The following ZBTB7C variants were observed in gnomAD, a reference collection of about 807,000 sequenced individuals.
ZBTB7C encodes zinc finger and BTB domain containing 7C, also known as zinc finger and BTB domain-containing protein 7C.
A neutral mutation model predicts 25.7 loss-of-function variants in ZBTB7C; 8 were observed. The observed-to-expected ratio is 0.31, with a 90% CI of 0.18 to 0.56. The LOEUF (loss-of-function observed/expected upper bound fraction) is 0.56, where lower values mean the gene tolerates loss of function less well. Among genes scored for constraint, ZBTB7C ranks in the 20% least tolerant of loss-of-function variants. ZBTB7C has a pLI of 0.91. For synonymous variants in ZBTB7C, 394 were observed against 369.0 expected (o/e 1.07, Z -0.78); for missense variants, 824 against 855.2 (o/e 0.96, Z 0.46).
chr18:48,290,681 C>A (rs952203952), intron 2 of ZBTB7C, among the ~76,000 whole-genome samples: 1 of 152,184 alleles, frequency 6.6e-6, no homozygotes, highest in African/African-American at 2.4e-5. Context: ...AGGCGCCCGT[C>A]CCCTGGGCCT....
intron 3 of ZBTB7C, among the ~76,000 whole-genome samples, chr18:48,089,883 C>T (rs1402931414): frequency 1.3e-5 from 2 of 152,158 alleles, no homozygotes; most frequent in Non-Finnish European, 2.9e-5. Flanking sequence ...TTTAAAAGCC[C>T]GCTGGGTGAG....
chr18:48,057,050 C>CAAAAAAAAAAAAAAAAAAAAAAA, intron 3 of ZBTB7C, among the ~76,000 whole-genome samples: 1 of 64,318 alleles, frequency 1.6e-5, no homozygotes, highest in Non-Finnish European at 3.1e-5. Context: ...GAAAAATTGT[C>CAAAAAAAAAAAAAAAAAAAAAAA]AAAAAAAAAA....
chr18:48,338,769 A>G (rs1421809918), intron 1 of ZBTB7C, among the ~76,000 whole-genome samples: 2 of 152,186 alleles, frequency 1.3e-5, no homozygotes, highest in East Asian at 3.9e-4. Flanking sequence ...ACGCTGTTCC[A>G]TCACCCCAGG....
chr18:48,130,690 C>T (rs2039960651), intron 3 of ZBTB7C, among the ~76,000 whole-genome samples: 1 of 152,196 alleles, frequency 6.6e-6, no homozygotes, highest in East Asian at 1.9e-4. Flanking sequence ...CCACACAGAT[C>T]TGTTTTGCTT....
chr18:48,179,701 T>TTCCC (rs529149708), intron 3 of ZBTB7C, among the ~76,000 whole-genome samples: 4 of 110,544 alleles, frequency 3.6e-5, no homozygotes, highest in South Asian at 6.4e-4. Context: ...CCTTCCTTCC[T>TTCCC]TCCCTGCGAG....
intron 3 of ZBTB7C, among the ~76,000 whole-genome samples, chr18:48,161,813 C>T (rs948354369): frequency 6.6e-6 from 1 of 151,656 alleles, no homozygotes; most frequent in Non-Finnish European, 1.5e-5. Flanking sequence ...CCCGCGGCCT[C>T]TCTCTCCTCC....
At chr18:48,401,696 A>T (rs1456237511) in intron 1 of ZBTB7C, among the ~76,000 whole-genome samples, 5 of 152,032 alleles carry the variant, frequency 3.3e-5, no homozygotes, top group Non-Finnish European at 7.4e-5. Flanking sequence ...AAGAGTCCCC[A>T]TCTCTTGCCA....
intron 3 of ZBTB7C, chr18:48,180,598 G>C (rs991849487): frequency 2.6e-5 from 8 of 307,244 alleles, no homozygotes; most frequent in African/African-American, 1.8e-4. Context: ...GTAGGGTGAT[G>C]GGGGGGTGGG....
intron 2 of ZBTB7C, among the ~76,000 whole-genome samples, chr18:48,214,996 C>T (rs2042788200): frequency 6.6e-6 from 1 of 152,104 alleles, no homozygotes; most frequent in Non-Finnish European, 1.5e-5. Context: ...TATTTTTAGC[C>T]ATCTTGTTGC....
chr18:48,034,568 C>G (rs72918150), intron 4 of ZBTB7C, among the ~76,000 whole-genome samples: 4 of 151,966 alleles, frequency 2.6e-5, no homozygotes, highest in Non-Finnish European at 4.4e-5. Context: ...AGTTCTGGTA[C>G]CTGCTTTGAT....
At chr18:48,246,361 C>T (rs953252160) in intron 2 of ZBTB7C, among the ~76,000 whole-genome samples, 8 of 151,436 alleles carry the variant, frequency 5.3e-5, no homozygotes, top group Non-Finnish European at 1.2e-4. Flanking sequence ...ACCCGGGAGG[C>T]GGAGCTTGCA....
chr18:48,327,563 C>A (rs1367927932), intron 2 of ZBTB7C, among the ~76,000 whole-genome samples: 1 of 152,170 alleles, frequency 6.6e-6, no homozygotes, highest in Non-Finnish European at 1.5e-5. Flanking sequence ...TTCCCAGTCT[C>A]GATCCCAGCT....
chr18:48,250,421 G>A (rs1452019479), intron 2 of ZBTB7C, among the ~76,000 whole-genome samples: 1 of 152,134 alleles, frequency 6.6e-6, no homozygotes, highest in Non-Finnish European at 1.5e-5. Flanking sequence ...ACAGCACTAT[G>A]TGAGCATTAA....
At chr18:48,195,403 C>T (rs2042294922) in intron 2 of ZBTB7C, among the ~76,000 whole-genome samples, 1 of 152,176 alleles carries the variant, frequency 6.6e-6, no homozygotes, top group African/African-American at 2.4e-5. Context: ...GAATACGTCT[C>T]ATGAGATCTG....
chr18:48,043,584 G>T (rs183012089), intron 3 of ZBTB7C, among the ~76,000 whole-genome samples: 1 of 152,178 alleles, frequency 6.6e-6, no homozygotes, highest in African/African-American at 2.4e-5. Context: ...CTAAGGAGGT[G>T]GTGGTGGTGG....
intron 2 of ZBTB7C, among the ~76,000 whole-genome samples, chr18:48,308,715 T>C (rs972171957): frequency 6.6e-6 from 1 of 152,222 alleles, no homozygotes; most frequent in African/African-American, 2.4e-5. Context: ...CAGTGGACCA[T>C]ACCTTGAGTA....
At chr18:48,061,449 C>T (rs1264634018) in intron 3 of ZBTB7C, among the ~76,000 whole-genome samples, 1 of 152,148 alleles carries the variant, frequency 6.6e-6, no homozygotes, top group African/African-American at 2.4e-5. Flanking sequence ...CTTTTCCCTC[C>T]ACTAGTCCTG....
chr18:48,309,479 A>G (rs996344117), intron 2 of ZBTB7C, among the ~76,000 whole-genome samples: 1 of 152,236 alleles, frequency 6.6e-6, no homozygotes, highest in Admixed American at 6.5e-5. Flanking sequence ...AAAAATGCTG[A>G]AGAGCACAGA....
intron 3 of ZBTB7C, among the ~76,000 whole-genome samples, chr18:48,053,214 A>T (rs1184884001): frequency 6.6e-6 from 1 of 152,218 alleles, no homozygotes; most frequent in African/African-American, 2.4e-5. Flanking sequence ...CATCGCCCCT[A>T]CAGTGGCCAA....
Sources: gnomAD v4.1 joint callset for allele counts (sites outside exome capture counted in the v4.1 genomes callset) on GRCh38, gnomAD v4.1.1 for gene constraint, MANE v1.5 for transcripts, NCBI Gene and HGNC (gene_info 2026-07-23, HGNC 2026-07-21) for gene names.